Variants in RIMS2 observed in about 807,000 individuals in gnomAD.
The protein encoded by RIMS2 is regulating synaptic membrane exocytosis 2.
A neutral mutation model predicts 174.4 loss-of-function variants in RIMS2; 59 were observed. The ratio of observed to expected loss-of-function variants is 0.34; its 90% confidence interval spans 0.27 to 0.42. RIMS2 has a LOEUF of 0.42. RIMS2 is among the 10% of genes least tolerant of loss of function. RIMS2 has a pLI of 1.00. For missense variants in RIMS2, 1,620 were observed against 1,666.3 expected (o/e 0.97, Z 0.48); for synonymous variants, 606 against 572.5 (o/e 1.06, Z -0.84).
intron 19 of RIMS2, among the ~76,000 whole-genome samples, chr8:104,219,039 A>T (rs983753340): frequency 2.0e-5 from 3 of 152,174 alleles, no homozygotes; most frequent in African/African-American, 7.2e-5. Flanking sequence ...GTAATTTAAA[A>T]CTCTGGTGAT....
chr8:103,519,137 CT>C (rs1830440202), intron 1 of RIMS2, among the ~76,000 whole-genome samples: 1 of 151,946 alleles, frequency 6.6e-6, no homozygotes, highest in African/African-American at 2.4e-5. Context: ...AAAGGGGACC[CT>C]TTCATAAGGG....
At chr8:104,118,043 T>C (rs1343533989) in intron 19 of RIMS2, among the ~76,000 whole-genome samples, 1 of 152,178 alleles carries the variant, frequency 6.6e-6, no homozygotes, top group Non-Finnish European at 1.5e-5. Flanking sequence ...CTATTGGCAT[T>C]GACAACTGAA....
At chr8:104,040,595 C>A (rs1482081637) in intron 19 of RIMS2, among the ~76,000 whole-genome samples, 1 of 151,580 alleles carries the variant, frequency 6.6e-6, no homozygotes, top group African/African-American at 2.4e-5. Context: ...TTGTAAGAAT[C>A]TGTTGAATGA....
At chr8:103,655,332 G>T (rs1346541566) in intron 1 of RIMS2, among the ~76,000 whole-genome samples, 1 of 151,684 alleles carries the variant, frequency 6.6e-6, no homozygotes, top group African/African-American at 2.4e-5. Context: ...ACATAACATA[G>T]GTTTTATGTA....
intron 1 of RIMS2, among the ~76,000 whole-genome samples, chr8:103,639,125 G>C (rs1188192300): frequency 6.6e-6 from 1 of 151,868 alleles, no homozygotes; most frequent in African/African-American, 2.4e-5. Flanking sequence ...ACTTACCAGA[G>C]TACAATGCTT....
In RIMS2 at chr8:103,958,564, TA is replaced by T. The variant is rs1016612222; in HGVS notation, c.2702-2495del. On this transcript the variant is annotated intron_variant, in intron 14 of 23. Transcript: ENST00000504942. ...TACCTTCAAACCTAAAATAAAAGTT[TA>T]AAAAAGAATAAATGAGCTTGAAAAA... Among the ~76,000 whole-genome samples, 81 of 152,094 alleles carry T rather than the reference TA, an allele frequency of 5.3e-4. 1 individual carries two copies. Among genetic ancestry groups the T allele is most frequent in the Middle Eastern group, 3.4e-3 (1 of 294 alleles).
At chr8:103,893,694 A>C (rs1412786974) in intron 4 of RIMS2, among the ~76,000 whole-genome samples, 1 of 152,104 alleles carries the variant, frequency 6.6e-6, no homozygotes, top group Non-Finnish European at 1.5e-5. Flanking sequence ...GTTTATGTAA[A>C]CTAAATTTTA....
At chr8:103,568,769 C>G (rs2092580644) in intron 1 of RIMS2, 1 of 1,114,958 alleles carries the variant, frequency 9.0e-7, no homozygotes, top group Non-Finnish European at 1.3e-6. Context: ...AGGAATCTAT[C>G]AAAACATGAA....
At chr8:103,778,542 A>G (rs1378573463) in intron 3 of RIMS2, among the ~76,000 whole-genome samples, 2 of 152,074 alleles carry the variant, frequency 1.3e-5, no homozygotes, top group Non-Finnish European at 2.9e-5. Flanking sequence ...ATTTCACTTA[A>G]CATAATGACC....
chr8:103,611,969 T>G lies in RIMS2; in HGVS notation c.177-85117T>G, dbSNP rs1041974124. ...TGTAGGCATACTTCATTGTTTTTTA[T>G]TTTTTTTCTCTTTTGTCTTCTCTGA... On this transcript the variant is annotated intron_variant, in intron 1 of 23. Transcript: ENST00000504942. Among the ~76,000 whole-genome samples, 7 of 151,682 alleles carry G rather than the reference T, an allele frequency of 4.6e-5. No homozygotes were observed. The South Asian group carries it at 1.2e-3, about 27-fold the overall frequency.
At chr8:103,756,979 CTGTGTGTGTGTGTG>C (rs71575983) in intron 2 of RIMS2, among the ~76,000 whole-genome samples, 1 of 134,956 alleles carries the variant, frequency 7.4e-6, no homozygotes, top group African/African-American at 2.7e-5. Flanking sequence ...GTGTGTGTGT[CTGTGTGTGTGTGTG>C]TGTGTGTGTG....
intron 13 of RIMS2, among the ~76,000 whole-genome samples, chr8:103,937,273 A>T (rs1038577644): frequency 1.3e-5 from 2 of 152,210 alleles, no homozygotes; most frequent in Non-Finnish European, 2.9e-5. Context: ...TTTACATGTC[A>T]GTTCTTATTT....
intron 2 of RIMS2, among the ~76,000 whole-genome samples, chr8:103,697,930 C>T (rs1412397147): frequency 1.3e-5 from 2 of 152,194 alleles, no homozygotes; most frequent in East Asian, 3.9e-4. Flanking sequence ...GAGGCTGAGG[C>T]AGGAGAACTG....
intron 3 of RIMS2, among the ~76,000 whole-genome samples, chr8:103,789,899 T>A (rs2098481446): frequency 6.6e-6 from 1 of 151,976 alleles, no homozygotes; most frequent in African/African-American, 2.4e-5. Flanking sequence ...ACTACAAGTG[T>A]GTGCTACCAT....
At chr8:103,916,566 TG>T in intron 8 of RIMS2, 29 bp downstream of exon 11, 1 of 1,570,582 alleles carries the variant, frequency 6.4e-7, no homozygotes, top group Non-Finnish European at 8.6e-7. Context: ...TTTATATGTG[TG>T]TGAAGTTGAA....
rs548465356 is a variant in RIMS2 at position 103,663,358 on chromosome 8, G to A, written c.177-33728G>A. On this transcript the variant is annotated intron_variant, in intron 1 of 23. Coordinates refer to ENST00000504942, the Ensembl canonical transcript of RIMS2. ...AGGAAGTCAAATTGTCTCTGTTTGC[G>A]GATGACATGATTATATATTTAGAAA... Among the ~76,000 whole-genome samples the A allele has an allele frequency of 2.3e-3, 344 of 152,070 alleles. 1 individual carries two copies. Among genetic ancestry groups the A allele is most frequent in the Middle Eastern group, 6.8e-3 (2 of 292 alleles).
At chr8:103,626,462 C>G (rs1350331619) in intron 1 of RIMS2, among the ~76,000 whole-genome samples, 3 of 152,054 alleles carry the variant, frequency 2.0e-5, no homozygotes, top group Non-Finnish European at 2.9e-5. Flanking sequence ...AAAATATGAA[C>G]AGCAAACAAT....
At chr8:104,015,812 G>A (rs542078254) in intron 19 of RIMS2, among the ~76,000 whole-genome samples, 1 of 151,890 alleles carries the variant, frequency 6.6e-6, no homozygotes, top group Non-Finnish European at 1.5e-5. Context: ...ACATCATTGA[G>A]GATGTACACA....
At chr8:103,784,577 G>A (rs1406507355) in intron 3 of RIMS2, among the ~76,000 whole-genome samples, 2 of 64,738 alleles carry the variant, frequency 3.1e-5, no homozygotes, top group Admixed American at 3.8e-4. Flanking sequence ...TCAGATAGTT[G>A]TAGATATGCG....
Sources: gnomAD v4.1 joint callset for allele counts (sites outside exome capture counted in the v4.1 genomes callset) on GRCh38, gnomAD v4.1.1 for gene constraint, MANE v1.5 for transcripts, NCBI Gene and HGNC (gene_info 2026-07-23, HGNC 2026-07-21) for gene names.